STMND1: variants seen among roughly 807,000 people sequenced by gnomAD.
STMND1 encodes the protein stathmin domain-containing protein 1.
In STMND1, 17 loss-of-function variants were observed where a neutral mutation model predicts 23.0. The observed-to-expected ratio is 0.74, with a 90% CI of 0.51 to 1.11. STMND1 has a LOEUF of 1.11. Among genes scored for constraint, STMND1 ranks in the 50% least tolerant of loss-of-function variants. The probability of loss-of-function intolerance (pLI) is 0.00; values close to 1 mark genes in which losing one functional copy is unlikely to be tolerated. For missense variants in STMND1, 305 were observed against 329.1 expected (o/e 0.93, Z 0.57); for synonymous variants, 114 against 119.9 (o/e 0.95, Z 0.32).
rs1443959440 is a variant in STMND1, at chr6:17,131,325, A to G, written c.*444A>G. 6.5e-6 allele frequency: 1 copy of G among 154,414 alleles called. No individual in the cohort carries two copies. Among genetic ancestry groups the G allele is most frequent in the African/African-American group, 2.4e-5 (1 of 41,492 alleles). The allele number at this position is 154,414 out of a possible 1,614,324, so 9.6% of individuals were successfully genotyped here. ...TATATGTTTTTTATGCTGTATGTCT[A>G]TGGTTTTATAATTTTTTTCTCTGTG... On this transcript the variant is annotated 3_prime_UTR_variant, in exon 5 of 5. Transcript: ENST00000536551.
chr6:17,130,597 A>G lies in STMND1; in HGVS notation c.547A>G (p.Lys183Glu). The change falls in exon 5 of 5, where the codon AAA becomes GAA. Residue 183 changes from lysine (K) to glutamate (E), a missense_variant. Lys to Glu is a moderately conservative substitution (Grantham distance 56). Coordinates refer to ENST00000536551, the MANE Select transcript of STMND1 (RefSeq NM_001190766.2). ...MEAAEERRKT[K>E]EEEIRKRLRS... Reference sequence around the variant, plus strand: ...ATTCTTTAATACTGCATTTCAGACTAAAGAAGAAGAAATAAGAAAAAGGCT... The same window carrying G: ...ATTCTTTAATACTGCATTTCAGACTGAAGAAGAAGAAATAAGAAAAAGGCT... The G allele has an allele frequency of 6.6e-7, 1 of 1,508,304 alleles. No homozygotes were observed. Among genetic ancestry groups the G allele is most frequent in the Non-Finnish European group, 8.8e-7 (1 of 1,135,330 alleles). The allele number at this position is 1,508,304 out of a possible 1,614,324, so 93.4% of individuals were successfully genotyped here.
chr6:17,124,575 A>G (rs540126790), intron 3 of STMND1, among the ~76,000 whole-genome samples: 1 of 152,272 alleles, frequency 6.6e-6, no homozygotes, highest in Non-Finnish European at 1.5e-5. Context: ...TGTCCACCAC[A>G]GAGGCCCCTT....
chr6:17,123,175 A>C (rs1761254440), intron 3 of STMND1, among the ~76,000 whole-genome samples: 1 of 152,220 alleles, frequency 6.6e-6, no homozygotes, highest in Admixed American at 6.5e-5. Flanking sequence ...AAGGTTAATT[A>C]ATATAAACTA....
At chr6:17,128,839 A>G (rs2113496273) in intron 3 of STMND1, 2 of 259,408 alleles carry the variant, frequency 7.7e-6, no homozygotes, top group South Asian at 4.7e-5. Flanking sequence ...CAGCCTCCCA[A>G]GTAGCTGGGA....
chr6:17,104,890 G>A (rs894150277), intron 1 of STMND1, among the ~76,000 whole-genome samples: 1 of 152,072 alleles, frequency 6.6e-6, no homozygotes, highest in East Asian at 1.9e-4. Context: ...TAAAATGAGG[G>A]CAGTAATAAT....
intron 2 of STMND1, among the ~76,000 whole-genome samples, chr6:17,119,005 G>T (rs1372147810): frequency 1.3e-5 from 2 of 152,078 alleles, no homozygotes; most frequent in Non-Finnish European, 2.9e-5. Context: ...GACCCTTCCA[G>T]ACAAGGCCAC....
At chr6:17,114,513 G>A (rs1265429555) in intron 1 of STMND1, among the ~76,000 whole-genome samples, 3 of 152,212 alleles carry the variant, frequency 2.0e-5, no homozygotes, top group African/African-American at 4.8e-5. Context: ...TGATCCACCC[G>A]CCTCAGCCTC....
intron 1 of STMND1, among the ~76,000 whole-genome samples, chr6:17,112,818 A>T (rs1761111332): frequency 6.6e-6 from 1 of 152,022 alleles, no homozygotes; most frequent in Non-Finnish European, 1.5e-5. Context: ...CACATGGTTA[A>T]CTCTATGTTT....
chr6:17,122,038 T>G (rs549534540), intron 3 of STMND1, among the ~76,000 whole-genome samples: 1 of 152,188 alleles, frequency 6.6e-6, no homozygotes, highest in African/African-American at 2.4e-5. Context: ...AATTTTTGTA[T>G]TTTTAGTAGA....
At chr6:17,105,723 G>A (rs1367155557) in intron 1 of STMND1, among the ~76,000 whole-genome samples, 9 of 151,126 alleles carry the variant, frequency 6.0e-5, no homozygotes, top group Non-Finnish European at 1.2e-4. Flanking sequence ...TCAGGAGATC[G>A]AGACCATCCT....
chr6:17,123,664 CA>C (rs1246275128), intron 3 of STMND1, among the ~76,000 whole-genome samples: 2 of 152,176 alleles, frequency 1.3e-5, no homozygotes, highest in African/African-American at 4.8e-5. Context: ...ACAACGCTCT[CA>C]AATCCATTAC....
chr6:17,103,675 A>G (rs550532751), intron 1 of STMND1, among the ~76,000 whole-genome samples: 240 of 149,706 alleles, frequency 1.6e-3, no homozygotes, highest in African/African-American at 5.3e-3. Context: ...GGGTTCAAGC[A>G]ATTCTCCTGC....
intron 1 of STMND1, among the ~76,000 whole-genome samples, chr6:17,107,762 A>C (rs1157002004): frequency 6.6e-6 from 1 of 152,164 alleles, no homozygotes; most frequent in Non-Finnish European, 1.5e-5. Context: ...ATGCCCGGCT[A>C]ATTTTTGATA....
intron 1 of STMND1, chr6:17,110,933 G>A (rs565874155): frequency 7.8e-4 from 353 of 454,122 alleles, no homozygotes; most frequent in Non-Finnish European, 1.5e-3. Context: ...GAAATGAGAA[G>A]TGGGAAACTT....
Position 17,102,268 on chromosome 6 carries a change from G to A in STMND1, c.11G>A (p.Gly4Glu). The A allele has an allele frequency of 6.5e-7, 1 of 1,535,954 alleles. No homozygotes were observed. Among genetic ancestry groups the A allele is most frequent in the Non-Finnish European group, 8.7e-7 (1 of 1,146,818 alleles). Residue 4 changes from glycine to glutamate, a missense_variant, in exon 1 of 5, where the codon GGA (glycine) becomes GAA (glutamate). Gly to Glu is a moderately conservative substitution (Grantham distance 98). Transcript: ENST00000536551. Reference sequence around the variant, plus strand: ...GCGCGCGCGCGCAGCATGGGCTGTGGACCTTCCCAACCTGCTGAAGACCGG... The same window carrying A: ...GCGCGCGCGCGCAGCATGGGCTGTGAACCTTCCCAACCTGCTGAAGACCGG... MGC[G>E]PSQPAEDRRR...
intron 2 of STMND1, among the ~76,000 whole-genome samples, chr6:17,116,937 G>T (rs1581370485): frequency 6.6e-6 from 1 of 152,276 alleles, no homozygotes; most frequent in East Asian, 1.9e-4. Flanking sequence ...TATGCAAGCA[G>T]ATTTTTTTCT....
rs776980298 is a variant in STMND1, at chr6:17,130,715, T to C, written c.665T>C (p.Val222Ala). The C allele has an allele frequency of 8.5e-6, 13 of 1,536,002 alleles. No individual in the cohort carries two copies. In the South Asian group the frequency reaches 1.2e-4, roughly 14 times the overall value. The change falls in exon 5 of 5, where the codon GTG (valine) becomes GCG (alanine). Residue 222 changes from valine (V) to alanine (A), a missense_variant. By Grantham distance (64) the Val-to-Ala change is moderately conservative (BLOSUM62 0). Transcript: ENST00000536551. The stretch of plus-strand genomic sequence containing the variant: ...GCATTTGCCAAAGGACTTCAAAGGG[T>C]GAGGTCTGCTGGATTTGAACCATCT... ...EVAFAKGLQR[V>A]RSAGFEPSDL...
In STMND1 at chr6:17,131,236, G is replaced by A. The variant is rs113914805; in HGVS notation, c.*355G>A. 58 of 199,696 alleles carry A rather than the reference G, an allele frequency of 2.9e-4. No individual in the cohort carries two copies. The highest frequency in any genetic ancestry group is 1.9e-3 in the Middle Eastern group (1 of 534). The allele number at this position is 199,696 out of a possible 1,614,324, so 12.4% of individuals were successfully genotyped here. On this transcript the variant is annotated 3_prime_UTR_variant, in exon 5 of 5. Coordinates refer to ENST00000536551, the MANE Select transcript of STMND1 (RefSeq NM_001190766.2). ...CCTGTTTACTCCTGCCTTGTGGCGGGGTCCATCCTCTGCTGCTCCTTTAAA... is the reference window on the plus strand; with the variant it reads ...CCTGTTTACTCCTGCCTTGTGGCGGAGTCCATCCTCTGCTGCTCCTTTAAA...
At chr6:17,103,566 C>CTT (rs68161737) in intron 1 of STMND1, among the ~76,000 whole-genome samples, 13,999 of 82,324 alleles carry the variant, frequency 0.17, 1,626 homozygotes, top group East Asian at 0.33. Context: ...GACCCATTAC[C>CTT]TTTTTTTTTT....
Sources: gnomAD v4.1 joint callset for allele counts (sites outside exome capture counted in the v4.1 genomes callset) on GRCh38, gnomAD v4.1.1 for gene constraint, MANE v1.5 for transcripts, NCBI Gene and HGNC (gene_info 2026-07-23, HGNC 2026-07-21) for gene names.